CMSS1: variants seen among roughly 807,000 people sequenced by gnomAD.
CMSS1 encodes the protein cms1 ribosomal small subunit homolog, also known as protein CMSS1.
CMSS1 carries 33 observed loss-of-function variants against 43.5 expected under a neutral mutation model. The observed-to-expected ratio is 0.76, with a 90% CI of 0.57 to 1.01. CMSS1 has a LOEUF of 1.01. Among genes scored for constraint, CMSS1 ranks in the 50% least tolerant of loss-of-function variants. The probability of loss-of-function intolerance (pLI) is 0.00; values close to 1 mark genes in which losing one functional copy is unlikely to be tolerated. For missense variants in CMSS1, 313 were observed against 326.4 expected (o/e 0.96, Z 0.32); for synonymous variants, 115 against 117.2 (o/e 0.98, Z 0.12).
intron 2 of CMSS1, among the ~76,000 whole-genome samples, chr3:100,153,868 TA>T (rs1305267143): frequency 3.9e-5 from 6 of 151,980 alleles, no homozygotes; most frequent in Non-Finnish European, 1.5e-5. Context: ...TCTTTTTTTT[TA>T]AGATGGAGTC....
chr3:99,855,445 G>C (rs1274438688), intron 1 of CMSS1, among the ~76,000 whole-genome samples: 1 of 152,178 alleles, frequency 6.6e-6, no homozygotes, highest in Non-Finnish European at 1.5e-5. Context: ...GCAGTGAGCT[G>C]AGTCTGTACA....
intron 1 of CMSS1, among the ~76,000 whole-genome samples, chr3:99,889,395 C>G (rs1415457504): frequency 6.6e-6 from 1 of 151,978 alleles, no homozygotes; most frequent in Admixed American, 6.6e-5. Context: ...GCTATATAAT[C>G]TTTCTTTTAA....
At chr3:100,152,871 T>C (rs553915002) in intron 2 of CMSS1, among the ~76,000 whole-genome samples, 18 of 152,362 alleles carry the variant, frequency 1.2e-4, no homozygotes, top group Admixed American at 1.0e-3. Flanking sequence ...ACCTTCCATG[T>C]CTTCAAAGTC....
At chr3:100,029,196 A>G (rs919791814) in intron 1 of CMSS1, among the ~76,000 whole-genome samples, 1 of 151,984 alleles carries the variant, frequency 6.6e-6, no homozygotes, top group Admixed American at 6.6e-5. Context: ...AAAATTTTTC[A>G]GATTTATTTG....
At position 99,854,414 on chromosome 3, in the gene CMSS1, T is replaced by C. The variant is rs140572772; in HGVS notation, c.64+36371T>C. 3.8e-3 allele frequency among the ~76,000 whole-genome samples: 575 copies of C among 152,342 alleles called. 3 individuals are homozygous for C. The highest frequency in any genetic ancestry group is 0.013 in the African/African-American group (548 of 41,584). ...GGTTTTTATGATCTTCAAAGTAGCA[T>C]AGACCTTGAGGTGCAGAACTCTGCA... is the stretch of plus-strand genomic sequence containing the variant. On this transcript the variant is annotated intron_variant, in intron 1 of 9. Transcript: ENST00000421999.
intron 1 of CMSS1, among the ~76,000 whole-genome samples, chr3:99,936,815 A>G (rs1024133320): frequency 6.6e-5 from 10 of 152,130 alleles, no homozygotes; most frequent in Non-Finnish European, 1.2e-4. Context: ...ATAAAAAGAT[A>G]TACATAGTAA....
chr3:100,150,210 C>T (rs2066893657), intron 2 of CMSS1, among the ~76,000 whole-genome samples: 1 of 152,192 alleles, frequency 6.6e-6, no homozygotes, highest in African/African-American at 2.4e-5. Context: ...GAGTCTCCAG[C>T]TGGTTCGTAA....
At chr3:99,936,352 GA>G (rs1353833453) in intron 1 of CMSS1, among the ~76,000 whole-genome samples, 3 of 144,072 alleles carry the variant, frequency 2.1e-5, no homozygotes, top group Non-Finnish European at 3.0e-5. Context: ...GCAGAGGAAG[GA>G]ACTGAAGCTT....
At chr3:100,020,488 T>C (rs781261567) in intron 1 of CMSS1, among the ~76,000 whole-genome samples, 1 of 152,136 alleles carries the variant, frequency 6.6e-6, no homozygotes, top group Non-Finnish European at 1.5e-5. Flanking sequence ...TAGGCTCTAA[T>C]CGTTTTGAAG....
chr3:99,835,007 C>T (rs530226393), intron 1 of CMSS1, among the ~76,000 whole-genome samples: 156 of 152,342 alleles, frequency 1.0e-3, no homozygotes, highest in African/African-American at 3.5e-3. Context: ...TGATCATCAT[C>T]AGCATCATCT....
chr3:100,120,987 G>T (rs1329815578), intron 1 of CMSS1, among the ~76,000 whole-genome samples: 3 of 152,124 alleles, frequency 2.0e-5, no homozygotes, highest in Non-Finnish European at 4.4e-5. Flanking sequence ...TGAAAATTGT[G>T]TGGCTCAGCT....
At chr3:99,837,967 A>G (rs960213010) in intron 1 of CMSS1, among the ~76,000 whole-genome samples, 1 of 152,168 alleles carries the variant, frequency 6.6e-6, no homozygotes, top group Non-Finnish European at 1.5e-5. Flanking sequence ...TCAGATGTGC[A>G]TGGTTGTGAT....
intron 1 of CMSS1, among the ~76,000 whole-genome samples, chr3:100,006,215 A>G (rs1413065911): frequency 1.3e-5 from 2 of 152,158 alleles, no homozygotes; most frequent in Admixed American, 6.5e-5. Context: ...ATAACCTCAG[A>G]AACTAACCCA....
intron 1 of CMSS1, among the ~76,000 whole-genome samples, chr3:100,058,393 T>C (rs1016509586): frequency 7.9e-5 from 12 of 152,226 alleles, no homozygotes; most frequent in African/African-American, 2.7e-4. Context: ...GAATGTAAAA[T>C]GAGATCACCT....
chr3:99,847,559 T>C (rs1233355361), intron 1 of CMSS1, among the ~76,000 whole-genome samples: 1 of 152,182 alleles, frequency 6.6e-6, no homozygotes, highest in African/African-American at 2.4e-5. Context: ...ATCATCTGCT[T>C]CTATGTGCTC....
At chr3:100,068,323 A>G (rs2107364367) in intron 1 of CMSS1, among the ~76,000 whole-genome samples, 1 of 151,398 alleles carries the variant, frequency 6.6e-6, no homozygotes, top group Admixed American at 6.6e-5. Context: ...ATGCATAGTG[A>G]GACAAACATG....
intron 1 of CMSS1, among the ~76,000 whole-genome samples, chr3:99,836,350 G>A (rs761099363): frequency 1.3e-5 from 2 of 152,138 alleles, no homozygotes; most frequent in African/African-American, 2.4e-5. Flanking sequence ...CAATAGAGGC[G>A]AGACAAAGAG....
chr3:100,047,715 A>G (rs2065299884), intron 1 of CMSS1, among the ~76,000 whole-genome samples: 1 of 152,182 alleles, frequency 6.6e-6, no homozygotes, highest in Non-Finnish European at 1.5e-5. Context: ...GCCACTGTCT[A>G]GCTATAGCCT....
chr3:99,999,831 T>TA (rs946055887), intron 1 of CMSS1, among the ~76,000 whole-genome samples: 8 of 152,086 alleles, frequency 5.3e-5, no homozygotes, highest in Non-Finnish European at 1.0e-4. Context: ...CTGCTAGATT[T>TA]AAAAAAACAA....
Sources: allele counts gnomAD v4.1 joint callset (sites outside exome capture counted in the v4.1 genomes callset), GRCh38; gene constraint gnomAD v4.1.1; transcripts MANE v1.5; gene names NCBI Gene and HGNC (gene_info 2026-07-23, HGNC 2026-07-21).